The following RFX4 variants were observed in gnomAD, a reference collection of about 807,000 sequenced individuals.
RFX4 encodes the protein regulatory factor X4.
RFX4 carries 10 observed loss-of-function variants against 95.0 expected under a neutral mutation model. That is an observed-to-expected ratio of 0.11 (90% CI 0.06 to 0.18). The LOEUF is 0.18. Among genes scored for constraint, RFX4 ranks in the 10% least tolerant of loss-of-function variants. The pLI, the probability that RFX4 is intolerant of heterozygous loss-of-function variation, is 1.00. For synonymous variants in RFX4, 321 were observed against 340.7 expected (o/e 0.94, Z 0.64); for missense variants, 640 against 922.0 (o/e 0.69, Z 3.96).
intron 1 of RFX4, among the ~76,000 whole-genome samples, chr12:106,597,336 G>A (rs938182899): frequency 6.6e-6 from 1 of 152,062 alleles, no homozygotes; most frequent in African/African-American, 2.4e-5. Context: ...TGTAAGGGGA[G>A]GATTAGAATT....
rs867644685 is a variant in RFX4 at position 106,593,498 on chromosome 12, T to C, written c.43+10135T>C. Reference sequence around the variant, plus strand: ...TTGAACTAGATTTTGAATGGACATTTGGATAATCTAACGAGTGATTAGTGA... The same window carrying C: ...TTGAACTAGATTTTGAATGGACATTCGGATAATCTAACGAGTGATTAGTGA... On this transcript the variant is annotated intron_variant, in intron 1 of 17. Transcript: ENST00000392842. Among the ~76,000 whole-genome samples, 19 of 152,254 alleles carry C rather than the reference T, an allele frequency of 1.2e-4. No homozygotes were observed. The South Asian group carries it at 2.7e-3, about 22-fold the overall frequency.
At position 106,720,849 on chromosome 12, in the gene RFX4, A is replaced by G; in HGVS notation, c.1324A>G (p.Met442Val). The G allele has an allele frequency of 6.2e-7, 1 of 1,613,104 alleles. No homozygotes were observed. The highest frequency in any genetic ancestry group is 8.5e-7 in the Non-Finnish European group (1 of 1,180,032). ...SCFGTRVIRD[M>V]TLHSAPSFGS... ...TTTCGGCACAAGGGTGATCCGGGAC[A>G]TGACCTTGCACAGCGCCCCCAGCTT... The change falls in exon 13 of 18, where the codon ATG becomes GTG. Residue 442 changes from methionine (M) to valine (V), a missense_variant. By Grantham distance (21) the Met-to-Val change is conservative (BLOSUM62 1). Around this residue, in one of 7 missense-constraint regions of RFX4, gnomAD observed 20 missense variants for 52.3 expected, o/e 0.38. Transcript: ENST00000392842. The surrounding 1 kb of genome is among the most constrained non-coding windows in gnomAD (Gnocchi z 4.2).
Position 106,732,788 on chromosome 12 carries a change from G to T in RFX4, c.1472-136G>T, listed in dbSNP as rs182039546. The T allele has an allele frequency of 3.0e-5, 22 of 737,226 alleles. No homozygotes were observed. The South Asian group carries it at 5.2e-4, about 17-fold the overall frequency. 45.7% of individuals were successfully genotyped at this position (737,226 alleles called of 1,614,324 possible). ...AGAAATTGCCTTGAGTGTCATGATG[G>T]TGATGGGAAACCATCGAAGAGTTTG... On this transcript the variant is annotated intron_variant, in intron 14 of 17. Transcript: ENST00000392842.
chr12:106,733,417 C>T (rs1312882534), intron 15 of RFX4: 3 of 226,112 alleles, frequency 1.3e-5, no homozygotes, highest in East Asian at 2.0e-4. Flanking sequence ...TTGTGAATGA[C>T]GTACAGGTAT....
intron 13 of RFX4, 128 bp downstream of exon 13, chr12:106,721,004 G>A (rs1056623633): frequency 1.3e-6 from 1 of 755,860 alleles, no homozygotes; most frequent in East Asian, 2.5e-5. Flanking sequence ...CTCTTCTGGG[G>A]AGACATGACA....
intron 1 of RFX4, among the ~76,000 whole-genome samples, chr12:106,607,625 A>G (rs2039865695): frequency 6.6e-6 from 1 of 152,184 alleles, no homozygotes; most frequent in African/African-American, 2.4e-5. Context: ...TTTATGAAAT[A>G]AATGGAGCAT....
At chr12:106,689,495 CT>C in intron 7 of RFX4, 131 bp downstream of exon 7, 2 of 717,432 alleles carry the variant, frequency 2.8e-6, no homozygotes, top group Non-Finnish European at 5.0e-6. Context: ...CATTAGCTCA[CT>C]TCATCCTCAT....
intron 1 of RFX4, among the ~76,000 whole-genome samples, chr12:106,598,067 G>A (rs1002124718): frequency 6.6e-6 from 1 of 152,074 alleles, no homozygotes; most frequent in Non-Finnish European, 1.5e-5. Context: ...ATTATTATCC[G>A]TATTATGCAT....
chr12:106,714,073 A>AAAAAAAAAAAAAC (rs2042241674), intron 10 of RFX4, among the ~76,000 whole-genome samples: 1 of 149,408 alleles, frequency 6.7e-6, no homozygotes, highest in Non-Finnish European at 1.5e-5. Context: ...CATCTCAAAA[A>AAAAAAAAAAAAAC]AAAAAAAAAA....
At chr12:106,610,538 A>G (rs2039939565) in intron 2 of RFX4, among the ~76,000 whole-genome samples, 1 of 152,340 alleles carries the variant, frequency 6.6e-6, no homozygotes, top group East Asian at 1.9e-4. Flanking sequence ...TGCTCTAAGT[A>G]TCTTATATAA....
rs528317230 is a variant in RFX4 at position 106,612,145 on chromosome 12, A to G, written c.130+3262A>G. On this transcript the variant is annotated intron_variant, in intron 2 of 17. Coordinates refer to ENST00000392842, the MANE Select transcript of RFX4 (RefSeq NM_213594.3). ...GATTTTTCTATTTCTGGAAAAAAAA[A>G]TATGCCACTCGGGTTTTGATAGGTG... 6.6e-5 allele frequency among the ~76,000 whole-genome samples: 10 copies of G among 152,272 alleles called. No homozygotes were observed. The South Asian group carries it at 1.7e-3, about 25-fold the overall frequency.
chr12:106,668,267 G>A (rs1221143354), intron 4 of RFX4, among the ~76,000 whole-genome samples: 1 of 152,000 alleles, frequency 6.6e-6, no homozygotes. Flanking sequence ...CAGGAAAGAA[G>A]TAGAAAAAAA....
chr12:106,686,420 A>G (rs568934392), intron 5 of RFX4, among the ~76,000 whole-genome samples: 60 of 152,060 alleles, frequency 3.9e-4, no homozygotes, highest in South Asian at 1.2e-3. Flanking sequence ...TCAAAAAAAA[A>G]AAAAAAGAAA....
chr12:106,660,610 A>G (rs958988893), intron 4 of RFX4, among the ~76,000 whole-genome samples: 8 of 152,162 alleles, frequency 5.3e-5, no homozygotes, highest in African/African-American at 1.9e-4. Flanking sequence ...CTAGCCTACA[A>G]ATGAGTTGCT....
At position 106,646,043 on chromosome 12, in the gene RFX4, G is replaced by A. The variant is rs2040737167; in HGVS notation, c.191+6651G>A. The A allele has an allele frequency of 3.3e-6, 3 of 903,476 alleles. 1 individual carries two copies. The highest frequency in any genetic ancestry group is 2.8e-5 in the South Asian group (2 of 72,050). The allele number at this position is 903,476 out of a possible 1,614,324, so 56.0% of individuals were successfully genotyped here. ...TTTAAAAAAAGTATTTTGTGCTGTG[G>A]GTAAATGTGTCAAATGGTAAAGCCA... On this transcript the variant is annotated intron_variant, in intron 3 of 17. Coordinates refer to ENST00000392842, the MANE Select transcript of RFX4 (RefSeq NM_213594.3).
intron 3 of RFX4, among the ~76,000 whole-genome samples, chr12:106,650,428 T>C (rs2040836219): frequency 6.6e-6 from 1 of 152,230 alleles, no homozygotes; most frequent in Non-Finnish European, 1.5e-5. Flanking sequence ...AATTGCTTAA[T>C]GGAACTCTCA....
At chr12:106,669,209 C>A (rs760068581) in intron 4 of RFX4, among the ~76,000 whole-genome samples, 4 of 152,162 alleles carry the variant, frequency 2.6e-5, no homozygotes, top group Admixed American at 1.3e-4. Flanking sequence ...CCAGTTCCTA[C>A]ATTTGGTGGC....
At chr12:106,628,174 A>G (rs1387822771) in intron 2 of RFX4, among the ~76,000 whole-genome samples, 2 of 152,126 alleles carry the variant, frequency 1.3e-5, no homozygotes, top group African/African-American at 4.8e-5. Context: ...GTGTCAGTCT[A>G]TCTGTCCTCT....
At chr12:106,713,879 C>A (rs1320623596) in intron 10 of RFX4, among the ~76,000 whole-genome samples, 1 of 151,712 alleles carries the variant, frequency 6.6e-6, no homozygotes, top group Non-Finnish European at 1.5e-5. Context: ...ACCAGCCTGG[C>A]CAATATGTCG....
Sources: gnomAD v4.1 joint callset for allele counts (sites outside exome capture counted in the v4.1 genomes callset) on GRCh38, gnomAD v4.1.1 for gene constraint, gnomAD v4.1.1 regional missense constraint, Gnocchi (gnomAD v3.1) non-coding constraint, MANE v1.5 for transcripts, NCBI Gene and HGNC (gene_info 2026-07-23, HGNC 2026-07-21) for gene names.